The following SORCS3 variants were observed in gnomAD, a reference collection of about 807,000 sequenced individuals.
The protein encoded by SORCS3 is VPS10 domain-containing receptor SorCS3.
SORCS3 carries 57 observed loss-of-function variants against 146.3 expected under a neutral mutation model. The observed-to-expected ratio is 0.39, with a 90% CI of 0.31 to 0.49. The LOEUF is 0.49. Ranked by LOEUF, SORCS3 falls within the 20% of genes least tolerant of loss-of-function variation. The pLI, the probability that SORCS3 is intolerant of heterozygous loss-of-function variation, is 0.92. For synonymous variants in SORCS3, 653 were observed against 618.5 expected, an observed-to-expected ratio of 1.06 and a Z score of -0.83; for missense variants, 1,341 against 1,575.5, an observed-to-expected ratio of 0.85 and a Z score of 2.52.
intron 4 of SORCS3, among the ~76,000 whole-genome samples, chr10:105,002,476 G>T (rs796845001): frequency 1.3e-5 from 2 of 152,138 alleles, no homozygotes; most frequent in Non-Finnish European, 2.9e-5. Flanking sequence ...GCACTGAGCC[G>T]GGGTATAAGG....
chr10:105,000,335 C>CGT (rs2055053613), intron 4 of SORCS3, among the ~76,000 whole-genome samples: 1 of 140,106 alleles, frequency 7.1e-6, no homozygotes, highest in African/African-American at 3.1e-5. Context: ...TACGTGTGTT[C>CGT]ATGTGTGTGT....
intron 14 of SORCS3, among the ~76,000 whole-genome samples, chr10:105,199,083 C>T (rs2056559874): frequency 2.0e-5 from 3 of 152,130 alleles, no homozygotes; most frequent in Admixed American, 2.0e-4. Flanking sequence ...TTAAGTCTTG[C>T]TGAAATGGAA....
chr10:104,734,607 G>C (rs1030352983), intron 1 of SORCS3, among the ~76,000 whole-genome samples: 2 of 152,236 alleles, frequency 1.3e-5, no homozygotes, highest in Non-Finnish European at 2.9e-5. Context: ...TCTTGTGCAG[G>C]CATGATGGCT....
intron 3 of SORCS3, among the ~76,000 whole-genome samples, chr10:104,937,795 T>C (rs191570888): frequency 6.6e-6 from 1 of 152,334 alleles, no homozygotes; most frequent in East Asian, 1.9e-4. Context: ...CAGAATGCCA[T>C]TGCTTTATGG....
rs41291856 is a variant in SORCS3 at position 105,263,506 on chromosome 10, C to G, written c.*132C>G. On this transcript the variant is annotated 3_prime_UTR_variant, in exon 27 of 27. Transcript: ENST00000369701. Reference sequence around the variant, plus strand: ...CAAGGGCCCCTTCATAAATAGCAGGCAAATGCCTAGCTTTGGGAGAAAAGG... The same window carrying G: ...CAAGGGCCCCTTCATAAATAGCAGGGAAATGCCTAGCTTTGGGAGAAAAGG... 13,301 of 790,914 alleles carry G rather than the reference C, an allele frequency of 0.017. 153 individuals are homozygous for G. The highest frequency in any genetic ancestry group is 0.022 in the Non-Finnish European group (10,620 of 489,512). The allele number at this position is 790,914 out of a possible 1,614,324, so 49.0% of individuals were successfully genotyped here.
intron 4 of SORCS3, among the ~76,000 whole-genome samples, chr10:104,991,025 C>A (rs1391448781): frequency 1.3e-5 from 2 of 152,160 alleles, no homozygotes; most frequent in Admixed American, 6.5e-5. Flanking sequence ...GACCTCCTGT[C>A]CCAGAGCAAG....
intron 1 of SORCS3, among the ~76,000 whole-genome samples, chr10:104,761,377 G>C (rs1223008853): frequency 1.3e-5 from 2 of 152,094 alleles, no homozygotes; most frequent in Non-Finnish European, 1.5e-5. Flanking sequence ...TATCTGGAGA[G>C]AGAAGATACA....
intron 6 of SORCS3, among the ~76,000 whole-genome samples, chr10:105,093,564 C>CATTT (rs1383741317): frequency 6.6e-6 from 1 of 151,956 alleles, no homozygotes; most frequent in Non-Finnish European, 1.5e-5. Context: ...AAAAACAGCT[C>CATTT]ATTAAATAAA....
At chr10:104,813,602 T>C (rs2017763203) in intron 1 of SORCS3, among the ~76,000 whole-genome samples, 1 of 152,150 alleles carries the variant, frequency 6.6e-6, no homozygotes, top group African/African-American at 2.4e-5. Context: ...ACAGGGTGGC[T>C]CTCTGCTCTA....
chr10:104,926,616 G>A (rs904416647), intron 3 of SORCS3, among the ~76,000 whole-genome samples: 4 of 152,220 alleles, frequency 2.6e-5, no homozygotes, highest in Admixed American at 6.5e-5. Flanking sequence ...GCAGACACCG[G>A]TCTAGGAGTT....
chr10:104,783,414 C>T (rs769395876), intron 1 of SORCS3, among the ~76,000 whole-genome samples: 3 of 152,134 alleles, frequency 2.0e-5, no homozygotes, highest in Admixed American at 6.5e-5. Flanking sequence ...CTTCTGAAGC[C>T]TGAAAGTCTA....
intron 14 of SORCS3, among the ~76,000 whole-genome samples, chr10:105,190,236 G>C (rs2056507625): frequency 6.6e-6 from 1 of 152,160 alleles, no homozygotes; most frequent in African/African-American, 2.4e-5. Context: ...TTGACCCCTG[G>C]CTTCATCATT....
At chr10:105,092,743 A>G (rs2055719098) in intron 6 of SORCS3, among the ~76,000 whole-genome samples, 1 of 152,120 alleles carries the variant, frequency 6.6e-6, no homozygotes, top group Admixed American at 6.6e-5. Flanking sequence ...CACATAGCTA[A>G]TTGGCGATAG....
At chr10:105,139,189 T>C (rs2056077929) in intron 7 of SORCS3, among the ~76,000 whole-genome samples, 1 of 152,204 alleles carries the variant, frequency 6.6e-6, no homozygotes, top group Non-Finnish European at 1.5e-5. Context: ...GTGGGAAAGA[T>C]TGTTGTAATT....
chr10:105,100,953 C>G (rs1204315143), intron 6 of SORCS3, among the ~76,000 whole-genome samples: 1 of 152,228 alleles, frequency 6.6e-6, no homozygotes, highest in Non-Finnish European at 1.5e-5. Flanking sequence ...AGCCATGCTG[C>G]TACTTGGCCA....
chr10:104,672,879 A>G (rs1564656048), intron 1 of SORCS3, among the ~76,000 whole-genome samples: 1 of 152,126 alleles, frequency 6.6e-6, no homozygotes, highest in Non-Finnish European at 1.5e-5. Context: ...AACTGTTATT[A>G]TGAAGCTATT....
At chr10:105,059,759 T>TCATTG (rs1002443396) in intron 5 of SORCS3, among the ~76,000 whole-genome samples, 1 of 152,166 alleles carries the variant, frequency 6.6e-6, no homozygotes, top group Non-Finnish European at 1.5e-5. Flanking sequence ...GGAAGCTCTG[T>TCATTG]CATTGCACTG....
At chr10:104,659,794 A>G (rs1016894883) in intron 1 of SORCS3, among the ~76,000 whole-genome samples, 6 of 152,306 alleles carry the variant, frequency 3.9e-5, no homozygotes, top group African/African-American at 1.4e-4. Context: ...TTATTGTTAG[A>G]TAAGAGGTCC....
chr10:105,008,708 G>A (rs1042123731), intron 4 of SORCS3, among the ~76,000 whole-genome samples: 1 of 152,126 alleles, frequency 6.6e-6, no homozygotes, highest in African/African-American at 2.4e-5. Flanking sequence ...GTGCAGTGGC[G>A]CCATCTCAAG....
Sources: allele counts gnomAD v4.1 joint callset (sites outside exome capture counted in the v4.1 genomes callset), GRCh38; gene constraint gnomAD v4.1.1; transcripts MANE v1.5; gene names NCBI Gene and HGNC (gene_info 2026-07-23, HGNC 2026-07-21).